Variants in NCAM2 observed in about 807,000 individuals in gnomAD.
NCAM2 encodes the protein neural cell adhesion molecule 2.
A neutral mutation model predicts 98.1 loss-of-function variants in NCAM2; 30 were observed. That is an observed-to-expected ratio of 0.31 (90% CI 0.23 to 0.41). NCAM2 has a LOEUF of 0.41. Among genes scored for constraint, NCAM2 ranks in the 10% least tolerant of loss-of-function variants. NCAM2 has a pLI of 1.00. For missense variants in NCAM2, 867 were observed against 1,005.8 expected (o/e 0.86, Z 1.87); for synonymous variants, 368 against 342.4 (o/e 1.07, Z -0.83).
intron 5 of NCAM2, among the ~76,000 whole-genome samples, chr21:21,296,466 T>G (rs1293751314): frequency 4.0e-5 from 6 of 151,760 alleles, no homozygotes; most frequent in African/African-American, 1.5e-4. Context: ...AAATATACTG[T>G]TTTTTGACAG....
intron 1 of NCAM2, among the ~76,000 whole-genome samples, chr21:21,128,361 A>C (rs983801000): frequency 1.3e-5 from 2 of 152,080 alleles, no homozygotes; most frequent in Non-Finnish European, 2.9e-5. Flanking sequence ...AGGGTTGTAC[A>C]TGTCACCTTG....
At chr21:21,123,266 G>A (rs1025320775) in intron 1 of NCAM2, among the ~76,000 whole-genome samples, 10 of 151,834 alleles carry the variant, frequency 6.6e-5, no homozygotes, top group African/African-American at 1.9e-4. Context: ...GTGGTGGCAC[G>A]CACCTGAGTC....
chr21:21,531,196 C>T (rs1257870752), intron 16 of NCAM2, among the ~76,000 whole-genome samples: 2 of 151,914 alleles, frequency 1.3e-5, no homozygotes, highest in South Asian at 2.1e-4. Flanking sequence ...GTATTACTTG[C>T]AAATATTTAT....
chr21:21,302,725 T>C lies in NCAM2; in HGVS notation c.619+10484T>C, dbSNP rs2073758046. On this transcript the variant is annotated intron_variant, in intron 5 of 17. Coordinates refer to ENST00000400546, the MANE Select transcript of NCAM2 (RefSeq NM_004540.5). Reference sequence around the variant, plus strand: ...TAAGAAACTTAAAACAGATATACTATTCAACCCAGCAATCTCTTTACTGGG... The same window carrying C: ...TAAGAAACTTAAAACAGATATACTACTCAACCCAGCAATCTCTTTACTGGG... Among the ~76,000 whole-genome samples, 3 of 152,100 alleles carry C rather than the reference T, an allele frequency of 2.0e-5. No individual in the cohort carries two copies. The South Asian group carries it at 6.2e-4, about 31-fold the overall frequency.
chr21:21,078,851 A>G (rs1282826922), intron 1 of NCAM2, among the ~76,000 whole-genome samples: 4 of 152,250 alleles, frequency 2.6e-5, no homozygotes, highest in African/African-American at 4.8e-5. Flanking sequence ...AATACTATGC[A>G]GCCATAAAAC....
chr21:21,017,729 G>T lies in NCAM2; in HGVS notation c.55+19111G>T, dbSNP rs149244907. Among the ~76,000 whole-genome samples, 472 of 152,134 alleles carry T rather than the reference G, an allele frequency of 3.1e-3. 2 individuals carry two copies. Among genetic ancestry groups the T allele is most frequent in the African/African-American group, 0.011 (455 of 41,550 alleles). The stretch of plus-strand genomic sequence containing the variant: ...CACGCGCTCCATAATTTCTTTTTAG[G>T]ATAGCTATGCTTTTTCTTTGCCAGG... On this transcript the variant is annotated intron_variant, in intron 1 of 17. Transcript: ENST00000400546.
At chr21:21,406,531 A>C (rs2076741254) in intron 9 of NCAM2, among the ~76,000 whole-genome samples, 2 of 152,266 alleles carry the variant, frequency 1.3e-5, no homozygotes, top group East Asian at 3.9e-4. Context: ...ACCTGACTAA[A>C]GTTTGATCAA....
chr21:21,280,445 T>G, intron 1 of NCAM2, 133 bp from the exon 2 acceptor site: 1 of 590,912 alleles, frequency 1.7e-6, no homozygotes, highest in Non-Finnish European at 2.9e-6. Context: ...AAAACTTTCA[T>G]TTTTCTTTAT....
chr21:21,088,128 T>C (rs907546548), intron 1 of NCAM2, among the ~76,000 whole-genome samples: 2 of 152,224 alleles, frequency 1.3e-5, no homozygotes, highest in African/African-American at 4.8e-5. Flanking sequence ...TAAATTTGTG[T>C]ATACAATTAA....
At chr21:21,160,345 C>T (rs2146773854) in intron 1 of NCAM2, among the ~76,000 whole-genome samples, 1 of 151,818 alleles carries the variant, frequency 6.6e-6, no homozygotes, top group Admixed American at 6.6e-5. Flanking sequence ...ATTGTTGTAG[C>T]ATAAAATACT....
At chr21:21,144,756 T>G (rs2067238385) in intron 1 of NCAM2, among the ~76,000 whole-genome samples, 1 of 152,160 alleles carries the variant, frequency 6.6e-6, no homozygotes, top group South Asian at 2.1e-4. Flanking sequence ...TTTCTTCCAC[T>G]TACATTCATA....
chr21:21,020,081 G>A (rs1381888780), intron 1 of NCAM2, among the ~76,000 whole-genome samples: 1 of 151,766 alleles, frequency 6.6e-6, no homozygotes, highest in Non-Finnish European at 1.5e-5. Flanking sequence ...CTGCTGCCTG[G>A]GCTGGAGTGC....
At chr21:21,233,320 C>A (rs771597826) in intron 1 of NCAM2, among the ~76,000 whole-genome samples, 14 of 151,652 alleles carry the variant, frequency 9.2e-5, no homozygotes, top group Non-Finnish European at 1.8e-4. Context: ...TCCCATAAAG[C>A]TCCAACTTTT....
intron 1 of NCAM2, among the ~76,000 whole-genome samples, chr21:21,170,547 TGGTTTCCAG>T (rs1278213850): frequency 1.3e-5 from 2 of 152,048 alleles, no homozygotes; most frequent in African/African-American, 4.8e-5. Flanking sequence ...AAATGATCAG[TGGTTTCCAG>T]GGTTTGCAAG....
Position 21,470,027 on chromosome 21 carries a change from T to G in NCAM2, c.1896+1244T>G, listed in dbSNP as rs150089513. 3.2e-3 allele frequency among the ~76,000 whole-genome samples: 491 copies of G among 152,158 alleles called. 3 individuals carry two copies. The highest frequency in any genetic ancestry group is 0.01 in the Middle Eastern group (3 of 294). On this transcript the variant is annotated intron_variant, in intron 14 of 17. Coordinates refer to ENST00000400546, the MANE Select transcript of NCAM2 (RefSeq NM_004540.5). ...TGAAAAAATTTATTGTACAAAATAC[T>G]GGGGGATAGTAACAGTTTGTAAGGA... is the stretch of plus-strand genomic sequence containing the variant.
intron 1 of NCAM2, among the ~76,000 whole-genome samples, chr21:21,136,817 C>T (rs1035431962): frequency 2.0e-5 from 3 of 151,858 alleles, no homozygotes; most frequent in African/African-American, 7.3e-5. Context: ...GAAATCCTTC[C>T]GGTTGCAGAC....
intron 12 of NCAM2, among the ~76,000 whole-genome samples, chr21:21,463,397 A>T (rs978512061): frequency 6.6e-6 from 1 of 152,140 alleles, no homozygotes; most frequent in African/African-American, 2.4e-5. Flanking sequence ...CAAAACCTGC[A>T]TTCACGAATC....
chr21:21,164,048 G>T (rs1234650187), intron 1 of NCAM2, among the ~76,000 whole-genome samples: 1 of 152,026 alleles, frequency 6.6e-6, no homozygotes, highest in African/African-American at 2.4e-5. Flanking sequence ...AACATCCCAG[G>T]ACCTAGAAAA....
intron 1 of NCAM2, among the ~76,000 whole-genome samples, chr21:21,142,154 CAGTT>C (rs1362032209): frequency 6.6e-6 from 1 of 152,066 alleles, no homozygotes; most frequent in Non-Finnish European, 1.5e-5. Context: ...AAAGCATTCT[CAGTT>C]AGCAATAGCG....
Sources: allele counts gnomAD v4.1 joint callset (sites outside exome capture counted in the v4.1 genomes callset), GRCh38; gene constraint gnomAD v4.1.1; transcripts MANE v1.5; gene names NCBI Gene and HGNC (gene_info 2026-07-23, HGNC 2026-07-21).